EXTL3: variants seen among roughly 807,000 people sequenced by gnomAD.
The protein encoded by EXTL3 is exostosin like glycosyltransferase 3, also known as exostosin-like 3.
A neutral mutation model predicts 69.3 loss-of-function variants in EXTL3; 27 were observed. That is an observed-to-expected ratio of 0.39 (90% CI 0.29 to 0.54). The LOEUF is 0.54. Among genes scored for constraint, EXTL3 ranks in the 20% least tolerant of loss-of-function variants. The pLI is 0.69. For missense variants in EXTL3, 1,003 were observed against 1,231.8 expected, an observed-to-expected ratio of 0.81 and a Z score of 2.78; for synonymous variants, 511 against 499.4, an observed-to-expected ratio of 1.02 and a Z score of -0.31.
intron 1 of EXTL3, among the ~76,000 whole-genome samples, chr8:28,646,429 C>A (rs1318766023): frequency 6.6e-6 from 1 of 152,158 alleles, no homozygotes; most frequent in Non-Finnish European, 1.5e-5. Flanking sequence ...CATACTAATT[C>A]TCTTTATAAC....
At position 28,623,827 on chromosome 8, in the gene EXTL3, C is replaced by T. The variant is rs900905944; in HGVS notation, c.-53+1017C>T. ...AAGATATTCATCAGGTAAACATGAT[C>T]CTCCTTAACAAATTTGCTGCTCGTA... On this transcript the variant is annotated intron_variant, in intron 1 of 6. Coordinates refer to the EXTL3 transcript ENST00000523149. The surrounding 1 kb of genome is among the most constrained non-coding windows in gnomAD (Gnocchi z 4.2). Among the ~76,000 whole-genome samples, 2 of 152,156 alleles carry T rather than the reference C, an allele frequency of 1.3e-5. No homozygotes were observed. The highest frequency in any genetic ancestry group is 2.4e-5 in the African/African-American group (1 of 41,422).
intron 3 of EXTL3, among the ~76,000 whole-genome samples, chr8:28,722,836 T>G (rs1411918546): frequency 6.6e-6 from 1 of 151,106 alleles, no homozygotes; most frequent in African/African-American, 2.4e-5. Context: ...CCCTTTTCCC[T>G]CTGTCCCAGC....
intron 1 of EXTL3, among the ~76,000 whole-genome samples, chr8:28,675,247 T>C (rs186419068): frequency 5.9e-5 from 9 of 152,266 alleles, no homozygotes; most frequent in African/African-American, 2.2e-4. Flanking sequence ...AGCAGGCATC[T>C]GGTATGGGCT....
chr8:28,664,945 T>G (rs1354371105), intron 1 of EXTL3, among the ~76,000 whole-genome samples: 4 of 151,988 alleles, frequency 2.6e-5, no homozygotes, highest in Non-Finnish European at 5.9e-5. Flanking sequence ...CTTCTTTGTC[T>G]CCTTTGGAAT....
rs1801979145 is a variant in EXTL3, at chr8:28,750,433, G to C, written c.2551-224G>C. ...ACACGTTAAGGCTTTTGGCATCTGA[G>C]AAGCGTAGGCCATCTCAACAGAATA... On this transcript the variant is annotated intron_variant, in intron 6 of 6. Coordinates refer to ENST00000220562, the MANE Select transcript of EXTL3 (RefSeq NM_001440.4). This position sits in a 1 kb window ranked among gnomAD's most constrained non-coding sequence, Gnocchi z 5.2. Among the ~76,000 whole-genome samples the C allele has an allele frequency of 6.6e-6, 1 of 152,242 alleles. No homozygotes were observed. The highest frequency in any genetic ancestry group is 2.1e-4 in the South Asian group (1 of 4,832).
intron 2 of EXTL3, 139 bp downstream of exon 2, chr8:28,713,689 T>A (rs1255167795): frequency 8.2e-6 from 5 of 613,098 alleles, no homozygotes; most frequent in South Asian, 2.0e-5. Flanking sequence ...AACATTTGAA[T>A]CACAAGGATA....
chr8:28,751,220 G>A lies in EXTL3; in HGVS notation c.*354G>A. ...TATTATGATTATTTAAAAAGAGAAA[G>A]TTTCAGATTTGCCATTCAAGGCTTA... On this transcript the variant is annotated 3_prime_UTR_variant, in exon 7 of 7. Coordinates refer to ENST00000220562, the MANE Select transcript of EXTL3 (RefSeq NM_001440.4). 1 of 282,770 alleles carries A rather than the reference G, an allele frequency of 3.5e-6. No individual in the cohort carries two copies. Among genetic ancestry groups the A allele is most frequent in the South Asian group, 5.1e-5 (1 of 19,480 alleles). 17.5% of individuals were successfully genotyped at this position (282,770 alleles called of 1,614,324 possible). A position where few individuals can be genotyped will look rare whatever the true frequency, so the allele number is the denominator to read the frequency against.
chr8:28,679,193 A>T (rs534230045), intron 1 of EXTL3, among the ~76,000 whole-genome samples: 1 of 152,338 alleles, frequency 6.6e-6, no homozygotes, highest in African/African-American at 2.4e-5. Context: ...CACGCCTGTT[A>T]TCCCAGCACT....
In EXTL3 at chr8:28,652,302, C is replaced by T. The variant is rs561222335; in HGVS notation, c.-53+29492C>T. 2.0e-5 allele frequency among the ~76,000 whole-genome samples: 3 copies of T among 152,168 alleles called. No homozygotes were observed. The South Asian group carries it at 6.2e-4, about 32-fold the overall frequency. ...AGTGGTTGCGTCGCTACATTCCCAC[C>T]AGCAATGTCCAAGGGTTCCCATTTT... On this transcript the variant is annotated intron_variant, in intron 1 of 6. Transcript: ENST00000523149.
Position 28,754,290 on chromosome 8 carries a change from G to A in EXTL3, c.*3424G>A, listed in dbSNP as rs1802073291. 1 of 152,474 alleles carries A rather than the reference G, an allele frequency of 6.6e-6. No individual in the cohort carries two copies. Among genetic ancestry groups the A allele is most frequent in the Admixed American group, 6.5e-5 (1 of 15,286 alleles). The allele number at this position is 152,474 out of a possible 1,614,324, so 9.4% of individuals were successfully genotyped here. A position where few individuals can be genotyped will look rare whatever the true frequency, so the allele number is the denominator to read the frequency against. On this transcript the variant is annotated 3_prime_UTR_variant, in exon 7 of 7. Coordinates refer to ENST00000220562, the MANE Select transcript of EXTL3 (RefSeq NM_001440.4). ...AGAGGCTTCCTCAGGAGAGGGCACTGAGCTGTGGGCTTCGGGGAGAAGGAT... is the reference window on the plus strand; with the variant it reads ...AGAGGCTTCCTCAGGAGAGGGCACTAAGCTGTGGGCTTCGGGGAGAAGGAT...
chr8:28,710,382 A>G, intron 1 of EXTL3: 2 of 434,166 alleles, frequency 4.6e-6, no homozygotes, highest in Non-Finnish European at 4.6e-6. Context: ...AGTGGTGAAA[A>G]GGGGTCAGAG....
chr8:28,627,209 A>T (rs1011524344), intron 1 of EXTL3, among the ~76,000 whole-genome samples: 6 of 150,346 alleles, frequency 4.0e-5, no homozygotes, highest in South Asian at 2.1e-4. Context: ...ATTAAAAAAA[A>T]TAAAAAAAAT....
chr8:28,668,562 T>C (rs114503979), intron 1 of EXTL3, among the ~76,000 whole-genome samples: 3,357 of 151,934 alleles, frequency 0.022, 130 homozygotes, highest in African/African-American at 0.077. Context: ...GTCTCGAACT[T>C]GTGACCTCAG....
intron 1 of EXTL3, among the ~76,000 whole-genome samples, chr8:28,678,447 C>T (rs1172673035): frequency 5.3e-5 from 8 of 152,114 alleles, no homozygotes; most frequent in Non-Finnish European, 8.8e-5. Context: ...GGTGAGTTCT[C>T]ACTCTATTAG....
At chr8:28,674,270 G>T (rs1807343966) in intron 1 of EXTL3, among the ~76,000 whole-genome samples, 1 of 151,924 alleles carries the variant, frequency 6.6e-6, no homozygotes, top group African/African-American at 2.4e-5. Flanking sequence ...CAAGGGTCTT[G>T]CCATGTGGCC....
intron 1 of EXTL3, among the ~76,000 whole-genome samples, chr8:28,646,555 G>T (rs73564740): frequency 1.3e-5 from 2 of 152,158 alleles, no homozygotes; most frequent in African/African-American, 2.4e-5. Flanking sequence ...CTCCCCTCCT[G>T]GAATGAGAAA....
chr8:28,722,215 C>T (rs903217956), intron 3 of EXTL3, among the ~76,000 whole-genome samples: 6 of 152,142 alleles, frequency 3.9e-5, no homozygotes, highest in African/African-American at 1.4e-4. Flanking sequence ...GTGGGACCAG[C>T]AGGTGCAGGA....
intron 1 of EXTL3, among the ~76,000 whole-genome samples, chr8:28,707,737 G>A (rs1800952626): frequency 6.6e-6 from 1 of 152,044 alleles, no homozygotes; most frequent in Non-Finnish European, 1.5e-5. Context: ...GCACGGTCCC[G>A]GTTTGTTATT....
chr8:28,686,945 C>A (rs1807587752), intron 1 of EXTL3, among the ~76,000 whole-genome samples: 1 of 152,166 alleles, frequency 6.6e-6, no homozygotes, highest in Non-Finnish European at 1.5e-5. Context: ...AATATTTGAA[C>A]CCAGGCCCAT....
Sources: allele counts gnomAD v4.1 joint callset (sites outside exome capture counted in the v4.1 genomes callset), GRCh38; gene constraint gnomAD v4.1.1; non-coding constraint Gnocchi (gnomAD v3.1); transcripts MANE v1.5; gene names NCBI Gene and HGNC (gene_info 2026-07-23, HGNC 2026-07-21).